The following GABRA2 variants were observed in gnomAD, a reference collection of about 807,000 sequenced individuals.
The protein encoded by GABRA2 is gamma-aminobutyric acid receptor subunit alpha-2.
Under a neutral mutation model 48.7 loss-of-function variants are expected in GABRA2, and 16 were observed. The ratio of observed to expected loss-of-function variants is 0.33; its 90% CI spans 0.22 to 0.50. The LOEUF is 0.50. Ranked by LOEUF, GABRA2 falls within the 20% of genes least tolerant of loss-of-function variation. The pLI, the probability that GABRA2 is intolerant of heterozygous loss-of-function variation, is 0.98. For missense variants in GABRA2, 275 were observed against 535.6 expected, an observed-to-expected ratio of 0.51 and a Z score of 4.80; for synonymous variants, 185 against 184.5, an observed-to-expected ratio of 1.00 and a Z score of -0.02.
chr4:46,251,641 A>G (rs1263757145), intron 9 of GABRA2, among the ~76,000 whole-genome samples: 1 of 151,464 alleles, frequency 6.6e-6, no homozygotes, highest in Non-Finnish European at 1.5e-5. Flanking sequence ...GGACTTTCTT[A>G]AGGTCACTCT....
chr4:46,365,382 C>T (rs2109976570), intron 3 of GABRA2: 1 of 152,260 alleles, frequency 6.6e-6, no homozygotes, highest in African/African-American at 2.4e-5. Flanking sequence ...CTAGGATACA[C>T]AGTTAAATAA....
intron 3 of GABRA2, chr4:46,364,197 C>T (rs1398164730): frequency 6.6e-6 from 1 of 152,168 alleles, no homozygotes; most frequent in Non-Finnish European, 1.5e-5. Context: ...ATGCATATTA[C>T]TTAACTTATA....
intron 7 of GABRA2, among the ~76,000 whole-genome samples, chr4:46,304,500 T>C (rs935067220): frequency 6.6e-6 from 1 of 152,060 alleles, no homozygotes; most frequent in Non-Finnish European, 1.5e-5. Flanking sequence ...TTTATTTATT[T>C]ATTATTTTTT....
chr4:46,307,429 T>A (rs1295651050), intron 6 of GABRA2, among the ~76,000 whole-genome samples: 5 of 139,616 alleles, frequency 3.6e-5, no homozygotes, highest in African/African-American at 1.1e-4. Flanking sequence ...TAGTCGTCAA[T>A]AAATTATGAA....
At chr4:46,339,234 A>G (rs990725311) in intron 3 of GABRA2, among the ~76,000 whole-genome samples, 2 of 151,952 alleles carry the variant, frequency 1.3e-5, no homozygotes, top group Admixed American at 1.3e-4. Flanking sequence ...ATAAAATTAA[A>G]TAACATTTAA....
At position 46,377,746 on chromosome 4, in the gene GABRA2, C is replaced by A. The variant is rs544430811; in HGVS notation, c.187+8328G>T. ...GAGGGAGGTGGGGGGGGTCAGCCCCCCGCCCGGCCAGCCGCCCCGTCCGGG... is the reference window on the plus strand; with the variant it reads ...GAGGGAGGTGGGGGGGGTCAGCCCCACGCCCGGCCAGCCGCCCCGTCCGGG... On this transcript the variant is annotated intron_variant, in intron 3 of 9. Transcript: ENST00000381620. Among the ~76,000 whole-genome samples, 22 of 143,132 alleles carry A rather than the reference C, an allele frequency of 1.5e-4. No homozygotes were observed. The East Asian group carries it at 2.7e-3, about 17-fold the overall frequency. 93.9% of individuals were successfully genotyped at this position (143,132 alleles called of 152,430 possible).
At chr4:46,274,002 A>T (rs1282485783) in intron 8 of GABRA2, among the ~76,000 whole-genome samples, 1 of 152,062 alleles carries the variant, frequency 6.6e-6, no homozygotes, top group East Asian at 1.9e-4. Flanking sequence ...TAGCTCCTAT[A>T]GCTATAAGCG....
chr4:46,328,219 A>G (rs1730709551), intron 4 of GABRA2, among the ~76,000 whole-genome samples: 5 of 152,008 alleles, frequency 3.3e-5, no homozygotes, highest in Admixed American at 3.3e-4. Flanking sequence ...TATAATTTAG[A>G]TCTACAACAT....
intron 8 of GABRA2, among the ~76,000 whole-genome samples, chr4:46,291,420 G>A (rs1202465823): frequency 6.6e-6 from 1 of 152,122 alleles, no homozygotes; most frequent in African/African-American, 2.4e-5. Context: ...TGGATTGAAG[G>A]ATGCAAAGTA....
intron 3 of GABRA2, among the ~76,000 whole-genome samples, chr4:46,337,664 A>G (rs1468006563): frequency 1.3e-5 from 2 of 151,638 alleles, no homozygotes; most frequent in African/African-American, 4.8e-5. Context: ...AAAAAAAAAA[A>G]AAAGAGACTG....
rs549875418 is a variant in GABRA2, at chr4:46,283,286, A to T, written c.856+20174T>A. Among the ~76,000 whole-genome samples, 3 of 152,252 alleles carry T rather than the reference A, an allele frequency of 2.0e-5. No homozygotes were observed. The East Asian group carries it at 5.8e-4, about 29-fold the overall frequency. On this transcript the variant is annotated intron_variant, in intron 8 of 9. Transcript: ENST00000381620. Reference sequence around the variant, plus strand: ...CAGAAGAAGTCTTTTACCCTTCCTCATTTTATTCTTCCTCTTTCCTGTAAT... The same window carrying T: ...CAGAAGAAGTCTTTTACCCTTCCTCTTTTTATTCTTCCTCTTTCCTGTAAT...
rs868002365 is a variant in GABRA2 at position 46,245,041 on chromosome 4, G to T, written c.*5267C>A. Among the ~76,000 whole-genome samples the T allele has an allele frequency of 6.6e-5, 10 of 150,784 alleles. 2 individuals carry two copies. The South Asian group carries it at 1.3e-3, about 19-fold the overall frequency. ...TTTTTTTGTTGTTTTTTGTTTTTTTGTTTGTTTGTTTCGTTTACCTTTCCT... is the reference window on the plus strand; with the variant it reads ...TTTTTTTGTTGTTTTTTGTTTTTTTTTTTGTTTGTTTCGTTTACCTTTCCT... On this transcript the variant is annotated 3_prime_UTR_variant, in exon 10 of 10. Transcript: ENST00000381620.
intron 3 of GABRA2, among the ~76,000 whole-genome samples, chr4:46,351,769 AT>A (rs1369975583): frequency 2.6e-5 from 4 of 152,058 alleles, no homozygotes. Context: ...CATAGAAAAT[AT>A]TTTAATGTAA....
In GABRA2 at chr4:46,255,206, G is replaced by A. The variant is rs574367411; in HGVS notation, c.1060-4602C>T. Among the ~76,000 whole-genome samples the A allele has an allele frequency of 7.3e-5, 11 of 151,658 alleles. No individual in the cohort carries two copies. In the South Asian group the frequency reaches 1.0e-3, roughly 14 times the overall value. ...CCTGGCTCAGAGCAGGCTCAGAAAC[G>A]TTTGCTTAATGATAAATGAGTGGCA... On this transcript the variant is annotated intron_variant, in intron 9 of 9. Transcript: ENST00000381620.
intron 3 of GABRA2, among the ~76,000 whole-genome samples, chr4:46,355,991 G>A (rs1383544258): frequency 6.6e-6 from 1 of 152,098 alleles, no homozygotes; most frequent in Non-Finnish European, 1.5e-5. Context: ...GAGGCATGTG[G>A]ACTCATATCC....
chr4:46,281,813 G>A (rs1721593405), intron 8 of GABRA2, among the ~76,000 whole-genome samples: 2 of 152,020 alleles, frequency 1.3e-5, no homozygotes, highest in South Asian at 4.2e-4. Flanking sequence ...AAGAGTCAAG[G>A]GAATTTTATT....
At chr4:46,261,824 T>C in intron 9 of GABRA2, 102 bp downstream of exon 9, 2 of 945,644 alleles carry the variant, frequency 2.1e-6, no homozygotes, top group Middle Eastern at 2.1e-4. Context: ...AATTCATATA[T>C]ATATGGATGT....
At chr4:46,344,525 T>A (rs952082485) in intron 3 of GABRA2, among the ~76,000 whole-genome samples, 10 of 151,900 alleles carry the variant, frequency 6.6e-5, no homozygotes, top group Admixed American at 3.9e-4. Context: ...AAAAGAGACA[T>A]CTTTTTGCTT....
intron 3 of GABRA2, among the ~76,000 whole-genome samples, chr4:46,344,202 G>A (rs932550645): frequency 7.2e-5 from 11 of 151,950 alleles, no homozygotes; most frequent in Non-Finnish European, 1.6e-4. Context: ...AGCATACAGA[G>A]AGATAGTGAC....
Sources: allele counts gnomAD v4.1 joint callset (sites outside exome capture counted in the v4.1 genomes callset), GRCh38; gene constraint gnomAD v4.1.1; transcripts MANE v1.5; gene names NCBI Gene and HGNC (gene_info 2026-07-23, HGNC 2026-07-21).